Variants in ZMIZ1 observed in about 807,000 individuals in gnomAD.
ZMIZ1 encodes the protein zinc finger MIZ domain-containing protein 1.
In ZMIZ1, 17 loss-of-function variants were observed where a neutral mutation model predicts 113.9. The observed-to-expected ratio is 0.15, with a 90% CI of 0.10 to 0.22. The LOEUF (loss-of-function observed/expected upper bound fraction) is 0.22, where lower values mean the gene tolerates loss of function less well. ZMIZ1 is among the 10% of genes least tolerant of loss of function. The probability of loss-of-function intolerance (pLI) is 1.00; values close to 1 mark genes in which losing one functional copy is unlikely to be tolerated. For missense variants in ZMIZ1, 1,059 were observed against 1,477.8 expected, an observed-to-expected ratio of 0.72 and a Z score of 4.65; for synonymous variants, 607 against 603.1, an observed-to-expected ratio of 1.01 and a Z score of -0.09.
intron 1 of ZMIZ1, among the ~76,000 whole-genome samples, chr10:79,111,683 T>C (rs1409127352): frequency 6.6e-6 from 1 of 152,204 alleles, no homozygotes; most frequent in African/African-American, 2.4e-5. Context: ...TTCTGCTGGC[T>C]TTGCCTGGAA....
rs79842962 is a variant in ZMIZ1, at chr10:79,142,860, C to T, written c.-131+3083C>T. ...AGGGCTCCAGGTGGCAGGTCACATG[C>T]TGCCCATGGGGAAGAGGCACCGAGC... On this transcript the variant is annotated intron_variant, in intron 3 of 24. Coordinates refer to ENST00000334512, the MANE Select transcript of ZMIZ1 (RefSeq NM_020338.4). Among the ~76,000 whole-genome samples the T allele has an allele frequency of 3.3e-5, 5 of 152,356 alleles. No homozygotes were observed. In the East Asian group the frequency reaches 5.8e-4, roughly 18 times the overall value.
At chr10:79,101,610 A>G (rs1357471844) in intron 1 of ZMIZ1, among the ~76,000 whole-genome samples, 1 of 152,022 alleles carries the variant, frequency 6.6e-6, no homozygotes, top group Non-Finnish European at 1.5e-5. Flanking sequence ...CCGTGGGGTC[A>G]GGGGAGGGCC....
chr10:79,113,565 C>T (rs2132302565), intron 1 of ZMIZ1, among the ~76,000 whole-genome samples: 1 of 152,344 alleles, frequency 6.6e-6, no homozygotes, highest in Non-Finnish European at 1.5e-5. Context: ...GCCCAGGCCC[C>T]CACCCCACAG....
intron 19 of ZMIZ1, 32 bp from the exon 20 acceptor site, chr10:79,305,132 G>A (rs1186810504): frequency 3.1e-6 from 5 of 1,613,010 alleles, no homozygotes; most frequent in African/African-American, 1.3e-5. Context: ...TGACAGTCCT[G>A]GTCTCACCTG....
intron 6 of ZMIZ1, among the ~76,000 whole-genome samples, chr10:79,215,715 G>A (rs1848697598): frequency 6.6e-6 from 1 of 152,144 alleles, no homozygotes; most frequent in Non-Finnish European, 1.5e-5. Context: ...AGGAAGGGCA[G>A]TGAGCCCTCC....
chr10:79,251,461 TC>T (rs1038289014), intron 7 of ZMIZ1, among the ~76,000 whole-genome samples: 9 of 152,196 alleles, frequency 5.9e-5, no homozygotes, highest in African/African-American at 2.2e-4. Flanking sequence ...GTCCTCCTGC[TC>T]CCCAGCTTTG....
At chr10:79,070,313 G>T (rs1021492239) in intron 1 of ZMIZ1, among the ~76,000 whole-genome samples, 2 of 151,582 alleles carry the variant, frequency 1.3e-5, no homozygotes, top group African/African-American at 2.4e-5. Context: ...GGGATAGGGC[G>T]CGGTGCGGAG....
chr10:79,291,223 T>C (rs2132029430), intron 10 of ZMIZ1, 47 bp downstream of exon 10: 1 of 1,534,708 alleles, frequency 6.5e-7, no homozygotes, highest in Non-Finnish European at 8.8e-7. Context: ...CCACCCCTCT[T>C]CCTCCTTCCA....
At chr10:79,149,983 C>T (rs934673175) in intron 3 of ZMIZ1, among the ~76,000 whole-genome samples, 18 of 152,240 alleles carry the variant, frequency 1.2e-4, no homozygotes, top group Admixed American at 3.9e-4. Flanking sequence ...AGCAGGCCAG[C>T]GTGGCCTGCC....
At chr10:79,288,513 A>G (rs2132019053) in intron 8 of ZMIZ1, among the ~76,000 whole-genome samples, 1 of 151,078 alleles carries the variant, frequency 6.6e-6, no homozygotes, top group Admixed American at 6.6e-5. Context: ...TCCCTCCCCC[A>G]ACACACATAC....
intron 1 of ZMIZ1, among the ~76,000 whole-genome samples, chr10:79,116,869 G>A (rs1490949299): frequency 6.6e-6 from 1 of 152,236 alleles, no homozygotes; most frequent in Admixed American, 6.5e-5. Context: ...CTTCCAGCCT[G>A]CTGTGAGTTA....
intron 1 of ZMIZ1, among the ~76,000 whole-genome samples, chr10:79,110,143 T>C (rs1357388517): frequency 6.6e-6 from 1 of 152,250 alleles, no homozygotes; most frequent in African/African-American, 2.4e-5. Context: ...GGAAGGTTAC[T>C]TCATCCTCAT....
intron 4 of ZMIZ1, among the ~76,000 whole-genome samples, chr10:79,179,094 A>G (rs1846999204): frequency 6.6e-6 from 1 of 152,254 alleles, no homozygotes; most frequent in Non-Finnish European, 1.5e-5. Context: ...GCTGCAGGCC[A>G]GGAACCCAGG....
chr10:79,163,128 G>A (rs1846181987), intron 4 of ZMIZ1, among the ~76,000 whole-genome samples: 1 of 152,278 alleles, frequency 6.6e-6, no homozygotes, highest in Non-Finnish European at 1.5e-5. Flanking sequence ...TTTGTCCCAA[G>A]GCGTCGTGGT....
At chr10:79,288,104 G>C (rs936434560) in intron 8 of ZMIZ1, among the ~76,000 whole-genome samples, 1 of 152,226 alleles carries the variant, frequency 6.6e-6, no homozygotes, top group African/African-American at 2.4e-5. Flanking sequence ...GGAGGGGCAA[G>C]TATGAGCAGA....
At chr10:79,287,574 A>T (rs1001523648) in intron 8 of ZMIZ1, among the ~76,000 whole-genome samples, 1 of 152,258 alleles carries the variant, frequency 6.6e-6, no homozygotes, top group Non-Finnish European at 1.5e-5. Context: ...CACGATAAAT[A>T]CACATACGAC....
intron 23 of ZMIZ1, among the ~76,000 whole-genome samples, chr10:79,310,377 G>A (rs1855047377): frequency 6.6e-6 from 1 of 152,230 alleles, no homozygotes; most frequent in Admixed American, 6.5e-5. Flanking sequence ...ACTTCGGACT[G>A]GCAGAAGGCG....
intron 18 of ZMIZ1, among the ~76,000 whole-genome samples, chr10:79,302,705 TG>T (rs1277058195): frequency 4.5e-4 from 42 of 92,412 alleles, no homozygotes; most frequent in East Asian, 7.1e-4. Context: ...TTTTTTTTTT[TG>T]AGAGAGAGAG....
chr10:79,151,595 T>C (rs1845711452), intron 3 of ZMIZ1, among the ~76,000 whole-genome samples: 2 of 152,170 alleles, frequency 1.3e-5, no homozygotes, highest in Admixed American at 6.5e-5. Flanking sequence ...TCAGTTTTCC[T>C]CCTGTAGCTG....
Sources: gnomAD v4.1 joint callset for allele counts (sites outside exome capture counted in the v4.1 genomes callset) on GRCh38, gnomAD v4.1.1 for gene constraint, MANE v1.5 for transcripts, NCBI Gene and HGNC (gene_info 2026-07-23, HGNC 2026-07-21) for gene names.